SNRPB2: variants seen among roughly 807,000 people sequenced by gnomAD.
The protein encoded by SNRPB2 is small nuclear ribonucleoprotein polypeptide B2.
In SNRPB2, 16 loss-of-function variants were observed where a neutral mutation model predicts 26.3. The ratio of observed to expected loss-of-function variants is 0.61; its 90% CI spans 0.41 to 0.92. SNRPB2 has a LOEUF of 0.92. Ranked by LOEUF, SNRPB2 falls within the 40% of genes least tolerant of loss-of-function variation. The pLI, the probability that SNRPB2 is intolerant of heterozygous loss-of-function variation, is 0.00. For missense variants in SNRPB2, 179 were observed against 268.1 expected (o/e 0.67, Z 2.32); for synonymous variants, 75 against 89.0 (o/e 0.84, Z 0.88).
At chr20:16,735,482 C>T (rs950554585) in intron 3 of SNRPB2, among the ~76,000 whole-genome samples, 1 of 152,152 alleles carries the variant, frequency 6.6e-6, no homozygotes, top group African/African-American at 2.4e-5. Flanking sequence ...AGTTCATTGG[C>T]GCTGAGTATA....
chr20:16,733,714 A>G (rs2122499621), intron 3 of SNRPB2, among the ~76,000 whole-genome samples: 1 of 152,342 alleles, frequency 6.6e-6, no homozygotes, highest in East Asian at 1.9e-4. Flanking sequence ...TACAGACAGT[A>G]GTTTGAGGAC....
intron 3 of SNRPB2, among the ~76,000 whole-genome samples, chr20:16,735,028 C>CCTT (rs1280500739): frequency 6.6e-6 from 1 of 152,114 alleles, no homozygotes; most frequent in African/African-American, 2.4e-5. Context: ...CAGGGATAAG[C>CCTT]ACACTTAGAG....
intron 3 of SNRPB2, among the ~76,000 whole-genome samples, chr20:16,734,946 A>T (rs949593337): frequency 6.6e-6 from 1 of 152,214 alleles, no homozygotes; most frequent in Admixed American, 6.5e-5. Flanking sequence ...GGACCAAGTC[A>T]GAAGTTAGTC....
chr20:16,737,656 T>C (rs920933331), intron 4 of SNRPB2, among the ~76,000 whole-genome samples: 1 of 152,006 alleles, frequency 6.6e-6, no homozygotes, highest in Non-Finnish European at 1.5e-5. Flanking sequence ...GTTTAAAATA[T>C]GTTAATACCT....
At chr20:16,733,951 G>C (rs993786708) in intron 3 of SNRPB2, among the ~76,000 whole-genome samples, 2 of 152,136 alleles carry the variant, frequency 1.3e-5, no homozygotes, top group African/African-American at 4.8e-5. Context: ...TCTCATAGTA[G>C]TATAAAGAAA....
intron 3 of SNRPB2, 63 bp from the exon 4 acceptor site, chr20:16,737,198 T>C: frequency 7.7e-7 from 1 of 1,303,292 alleles, no homozygotes; most frequent in African/African-American, 1.5e-5. Flanking sequence ...ATTTGAAATA[T>C]TAATGACTAG....
chr20:16,730,333 A>T (rs2072381003), intron 1 of SNRPB2, among the ~76,000 whole-genome samples, 169 bp downstream of exon 1: 2 of 152,122 alleles, frequency 1.3e-5, no homozygotes, highest in Admixed American at 1.3e-4. Flanking sequence ...TACGAAGTAA[A>T]GGATAGTTAA....
At chr20:16,738,195 C>CT (rs1447243272) in intron 4 of SNRPB2, among the ~76,000 whole-genome samples, 3 of 151,894 alleles carry the variant, frequency 2.0e-5, no homozygotes, top group Admixed American at 2.0e-4. Context: ...AATCCCAGCA[C>CT]TTTGGGAGGC....
intron 1 of SNRPB2, chr20:16,731,050 C>G (rs779760783): frequency 1.3e-5 from 2 of 152,354 alleles, no homozygotes; most frequent in Non-Finnish European, 2.9e-5. Context: ...TAAGGAACTT[C>G]CCTCAGGCAA....
At position 16,732,203 on chromosome 20, in the gene SNRPB2, G is replaced by C; in HGVS notation, c.104G>C (p.Gly35Ala). Reference protein sequence around the residue: ...RSLYALFSQFGHVVDIVALKT... With the variant: ...RSLYALFSQFAHVVDIVALKT... ...CTATATGCCCTGTTTTCTCAGTTTG[G>C]TCATGTGGTGGACATTGTGGCTTTA... The change falls in exon 3 of 7, where the codon GGT becomes GCT. Residue 35 changes from glycine to alanine, a missense_variant. Gly to Ala is a moderately conservative substitution (Grantham distance 60, BLOSUM62 0). Transcript: ENST00000246071. 6.2e-7 allele frequency: 1 copy of C among 1,604,330 alleles called. No homozygotes were observed. Among genetic ancestry groups the C allele is most frequent in the Non-Finnish European group, 8.5e-7 (1 of 1,174,334 alleles).
intron 3 of SNRPB2, among the ~76,000 whole-genome samples, chr20:16,736,350 A>G (rs2072425941): frequency 6.6e-6 from 1 of 152,192 alleles, no homozygotes; most frequent in African/African-American, 2.4e-5. Context: ...TTTAGGTGAT[A>G]GAACTGCCCT....
At chr20:16,739,877 G>C (rs1312966834) in intron 5 of SNRPB2, among the ~76,000 whole-genome samples, 1 of 149,318 alleles carries the variant, frequency 6.7e-6, no homozygotes, top group African/African-American at 2.5e-5. Context: ...CTAAGCAGTG[G>C]TTCTCGGTGG....
At position 16,738,848 on chromosome 20, in the gene SNRPB2, T is replaced by G; in HGVS notation, c.379-4T>G. 6.3e-7 allele frequency: 1 copy of G among 1,579,956 alleles called. No homozygotes were observed. Among genetic ancestry groups the G allele is most frequent in the Non-Finnish European group, 8.7e-7 (1 of 1,149,064 alleles). On this transcript the variant is annotated splice_region_variant and splice_polypyrimidine_tract_variant and intron_variant, in intron 4 of 6. Coordinates refer to ENST00000246071, the MANE Select transcript of SNRPB2 (RefSeq NM_003092.5). ...TTTAAACTCTCCCTATTTATTTTGC[T>G]TAGGGAACTCCAAATTCAGCTAATA...
At position 16,741,084 on chromosome 20, in the gene SNRPB2, ATAGT is replaced by A. The variant is rs774939168; in HGVS notation, c.*83_*86del. The A allele has an allele frequency of 5.5e-5, 59 of 1,064,154 alleles. No individual in the cohort carries two copies. Among genetic ancestry groups the A allele is most frequent in the Non-Finnish European group, 7.9e-5 (59 of 746,094 alleles). The allele number at this position is 1,064,154 out of a possible 1,614,324, so 65.9% of individuals were successfully genotyped here. On this transcript the variant is annotated 3_prime_UTR_variant, in exon 7 of 7. Transcript: ENST00000246071. ...GATAACATTTGGCTGGGTCATTTTA[ATAGT>A]TAGAGATGAGGAGGAGTAAAAGTGA...
rs145222568 is a variant in SNRPB2, at chr20:16,731,693, T to C, written c.-10T>C. The C allele has an allele frequency of 2.5e-4, 402 of 1,611,834 alleles. 2 individuals are homozygous for C. The African/African-American group carries it at 4.8e-3, about 19-fold the overall frequency. On this transcript the variant is annotated 5_prime_UTR_variant, in exon 2 of 7. Transcript: ENST00000246071. ...ATTTTTTACTGTCTCCTGAAGAATTTAACACAAACATGGATATCAGACCAA... is the reference window on the plus strand; with the variant it reads ...ATTTTTTACTGTCTCCTGAAGAATTCAACACAAACATGGATATCAGACCAA...
At chr20:16,736,446 A>T (rs2072426626) in intron 3 of SNRPB2, among the ~76,000 whole-genome samples, 1 of 152,214 alleles carries the variant, frequency 6.6e-6, no homozygotes, top group Admixed American at 6.5e-5. Context: ...GATGCAAAAA[A>T]GTTTTATTTA....
chr20:16,732,514 A>C (rs990470371), intron 3 of SNRPB2, 178 bp downstream of exon 3: 2 of 441,768 alleles, frequency 4.5e-6, no homozygotes, highest in Non-Finnish European at 7.9e-6. Context: ...GACAGTTCAG[A>C]TGGGCAAAAA....
chr20:16,737,070 C>T (rs938047082), intron 3 of SNRPB2, among the ~76,000 whole-genome samples, 191 bp from the exon 4 acceptor site: 3 of 152,174 alleles, frequency 2.0e-5, no homozygotes, highest in Non-Finnish European at 4.4e-5. Flanking sequence ...TTGAATCTAA[C>T]TTTGTCTAAA....
At position 16,738,666 on chromosome 20, in the gene SNRPB2, G is replaced by A. The variant is rs113832669; in HGVS notation, c.379-186G>A. On this transcript the variant is annotated intron_variant, in intron 4 of 6. Transcript: ENST00000246071. The stretch of plus-strand genomic sequence containing the variant: ...AGGGCTGGTCTTAACAAAAATAACC[G>A]ACAAATTAAGAACATGAGTGTTTGA... Among the ~76,000 whole-genome samples the A allele has an allele frequency of 9.8e-3, 1,489 of 152,008 alleles. 42 individuals carry two copies. Among genetic ancestry groups the A allele is most frequent in the African/African-American group, 0.033 (1,384 of 41,452 alleles).
Sources: allele counts gnomAD v4.1 joint callset (sites outside exome capture counted in the v4.1 genomes callset), GRCh38; gene constraint gnomAD v4.1.1; transcripts MANE v1.5; gene names NCBI Gene and HGNC (gene_info 2026-07-23, HGNC 2026-07-21).